WWOX: variants seen among roughly 807,000 people sequenced by gnomAD.
WWOX encodes the protein WW domain-containing oxidoreductase.
Under a neutral mutation model 46.2 loss-of-function variants are expected in WWOX, and 69 were observed. That is an observed-to-expected ratio of 1.49 (90% CI 1.23 to 1.82). WWOX has a LOEUF of 1.82. Ranked by LOEUF, WWOX falls within the 40% of genes most tolerant of loss-of-function variation. The pLI, the probability that WWOX is intolerant of heterozygous loss-of-function variation, is 0.00. For synonymous variants in WWOX, 359 were observed against 202.6 expected (o/e 1.77, Z -6.56); for missense variants, 919 against 542.6 (o/e 1.69, Z -6.89).
intron 8 of WWOX, among the ~76,000 whole-genome samples, chr16:78,856,640 C>G (rs912015473): frequency 1.3e-5 from 2 of 151,974 alleles, no homozygotes; most frequent in Admixed American, 6.6e-5. Flanking sequence ...AAGACTCTGT[C>G]TCAGAAAGAG....
chr16:78,330,042 C>T (rs561090243), intron 5 of WWOX, among the ~76,000 whole-genome samples: 1 of 152,308 alleles, frequency 6.6e-6, no homozygotes, highest in East Asian at 1.9e-4. Context: ...GCATGAGTCA[C>T]TGCCTGGTGC....
At chr16:79,195,568 T>C (rs12445467) in intron 8 of WWOX, among the ~76,000 whole-genome samples, 22,410 of 152,218 alleles carry the variant, frequency 0.15, 1,785 homozygotes, top group African/African-American at 0.19. Context: ...CTACAGTTTC[T>C]TGGGCTTGCT....
At position 78,332,015 on chromosome 16, in the gene WWOX, T is replaced by G. The variant is rs765879393; in HGVS notation, c.517-54845T>G. On this transcript the variant is annotated intron_variant, in intron 5 of 8. Coordinates refer to ENST00000566780, the MANE Select transcript of WWOX (RefSeq NM_016373.4). Reference sequence around the variant, plus strand: ...CATCAGAGCCGAGGAAGGTCAAGTTTGGAACGCCATTTAGCTGCTCTCAGG... The same window carrying G: ...CATCAGAGCCGAGGAAGGTCAAGTTGGGAACGCCATTTAGCTGCTCTCAGG... Among the ~76,000 whole-genome samples the G allele has an allele frequency of 5.9e-5, 9 of 152,190 alleles. No individual in the cohort carries two copies. The South Asian group carries it at 6.2e-4, about 10-fold the overall frequency.
intron 8 of WWOX, among the ~76,000 whole-genome samples, chr16:78,780,866 G>C (rs1437032704): frequency 1.3e-5 from 2 of 152,322 alleles, no homozygotes; most frequent in Non-Finnish European, 1.5e-5. Flanking sequence ...AGGGCATTAA[G>C]CAGGGCAGTG....
intron 8 of WWOX, among the ~76,000 whole-genome samples, chr16:78,867,168 A>C (rs1235374980): frequency 6.6e-6 from 1 of 152,166 alleles, no homozygotes; most frequent in Non-Finnish European, 1.5e-5. Context: ...GGAGAAGATG[A>C]GACAGACAAA....
At chr16:78,676,662 A>C (rs1041944837) in intron 8 of WWOX, among the ~76,000 whole-genome samples, 1 of 152,200 alleles carries the variant, frequency 6.6e-6, no homozygotes, top group African/African-American at 2.4e-5. Context: ...CATATTAAAC[A>C]GCTGAGTGAA....
At chr16:78,807,910 C>T (rs765014641) in intron 8 of WWOX, among the ~76,000 whole-genome samples, 1 of 152,226 alleles carries the variant, frequency 6.6e-6, no homozygotes, top group African/African-American at 2.4e-5. Context: ...GTACCTAACA[C>T]ATTGGACAGC....
intron 5 of WWOX, among the ~76,000 whole-genome samples, chr16:78,286,941 T>C (rs966883952): frequency 6.6e-6 from 1 of 152,218 alleles, no homozygotes; most frequent in Non-Finnish European, 1.5e-5. Context: ...TTCTTTTCTG[T>C]TTTTAGTTAG....
chr16:78,476,941 G>T (rs1191202304), intron 8 of WWOX, among the ~76,000 whole-genome samples: 1 of 149,944 alleles, frequency 6.7e-6, no homozygotes, highest in Non-Finnish European at 1.5e-5. Flanking sequence ...TCCTCCTTCA[G>T]TTCCCTCTTT....
rs545214070 is a variant in WWOX at position 78,866,535 on chromosome 16, C to T, written c.1057-345073C>T. 3.3e-5 allele frequency among the ~76,000 whole-genome samples: 5 copies of T among 152,038 alleles called. No individual in the cohort carries two copies. The East Asian group carries it at 5.8e-4, about 18-fold the overall frequency. ...AACAGTTGCTGAAGCTATGAGCTAT[C>T]GATAAAAGCTAATGTACCACACGAA... is the stretch of plus-strand genomic sequence containing the variant. On this transcript the variant is annotated intron_variant, in intron 8 of 8. Transcript: ENST00000566780.
At chr16:78,677,432 G>C (rs8055993) in intron 8 of WWOX, among the ~76,000 whole-genome samples, 14,582 of 152,192 alleles carry the variant, frequency 0.096, 1,549 homozygotes, top group African/African-American at 0.26. Context: ...ACGTTTTCAA[G>C]TTGAGAAGTT....
At chr16:78,461,789 G>T (rs1374305308) in intron 8 of WWOX, among the ~76,000 whole-genome samples, 1 of 152,184 alleles carries the variant, frequency 6.6e-6, no homozygotes, top group Non-Finnish European at 1.5e-5. Context: ...AGAATTATGG[G>T]CTGGAGCAGT....
chr16:78,202,688 T>C (rs756552170), intron 5 of WWOX, among the ~76,000 whole-genome samples: 24 of 152,210 alleles, frequency 1.6e-4, no homozygotes, highest in Non-Finnish European at 3.4e-4. Flanking sequence ...TTGTCAGCAG[T>C]ATTTATACCC....
At chr16:78,952,992 G>C (rs74032450) in intron 8 of WWOX, among the ~76,000 whole-genome samples, 1 of 149,938 alleles carries the variant, frequency 6.7e-6, no homozygotes, top group Non-Finnish European at 1.5e-5. Context: ...GAAAAATCAC[G>C]CATTTCTCTG....
chr16:78,140,950 A>G (rs937345461), intron 4 of WWOX, among the ~76,000 whole-genome samples: 10 of 152,344 alleles, frequency 6.6e-5, no homozygotes, highest in Admixed American at 3.3e-4. Context: ...AGGGTCTAGT[A>G]TGTAACTCAG....
chr16:78,351,841 G>C (rs1010612114), intron 5 of WWOX, among the ~76,000 whole-genome samples: 3 of 152,062 alleles, frequency 2.0e-5, no homozygotes, highest in Admixed American at 6.6e-5. Flanking sequence ...ATTTTTACTC[G>C]AGACGTAGTT....
At chr16:78,833,422 T>TC (rs2051887392) in intron 8 of WWOX, among the ~76,000 whole-genome samples, 1 of 150,268 alleles carries the variant, frequency 6.7e-6, no homozygotes, top group African/African-American at 2.5e-5. Context: ...GGCCCAGCCA[T>TC]CTCCTCCTCC....
chr16:78,822,498 GAAAAAC>G (rs753632330), intron 8 of WWOX, among the ~76,000 whole-genome samples: 29 of 151,744 alleles, frequency 1.9e-4, no homozygotes, highest in African/African-American at 2.7e-4. Flanking sequence ...CTGTCTCAAA[GAAAAAC>G]AAAAACAAAA....
chr16:78,545,592 C>T (rs2044010374), intron 8 of WWOX, among the ~76,000 whole-genome samples: 1 of 152,080 alleles, frequency 6.6e-6, no homozygotes, highest in African/African-American at 2.4e-5. Flanking sequence ...ACAGTGATGC[C>T]CAGGAATAGT....
Sources: allele counts gnomAD v4.1 joint callset (sites outside exome capture counted in the v4.1 genomes callset), GRCh38; gene constraint gnomAD v4.1.1; transcripts MANE v1.5; gene names NCBI Gene and HGNC (gene_info 2026-07-23, HGNC 2026-07-21).